Variants in AGBL1 observed in about 807,000 individuals in gnomAD.
AGBL1 encodes cytosolic carboxypeptidase 4.
AGBL1 carries 130 observed loss-of-function variants against 118.9 expected under a neutral mutation model. The observed-to-expected ratio is 1.09, with a 90% CI of 0.95 to 1.26. The LOEUF is 1.26. Among genes scored for constraint, AGBL1 ranks in the 50% most tolerant of loss-of-function variants. The pLI, the probability that AGBL1 is intolerant of heterozygous loss-of-function variation, is 0.00. For missense variants in AGBL1, 1,584 were observed against 1,298.1 expected (o/e 1.22, Z -3.38); for synonymous variants, 555 against 478.9 (o/e 1.16, Z -2.08).
chr15:86,596,275 G>T (rs2437810), intron 21 of AGBL1, among the ~76,000 whole-genome samples: 89,316 of 151,746 alleles, frequency 0.59, 26,690 homozygotes, highest in East Asian at 0.75. Context: ...AGTCCTCTTC[G>T]CCACCCCCTC....
At chr15:86,462,792 C>T (rs1451109225) in intron 18 of AGBL1, among the ~76,000 whole-genome samples, 1 of 152,258 alleles carries the variant, frequency 6.6e-6, no homozygotes, top group East Asian at 1.9e-4. Context: ...GCATAATATT[C>T]CATGGTGTAT....
At chr15:86,951,777 A>G (rs1216102132) in intron 23 of AGBL1, among the ~76,000 whole-genome samples, 1 of 152,192 alleles carries the variant, frequency 6.6e-6, no homozygotes. Flanking sequence ...ATTGCTTTTC[A>G]TAAGTCTATC....
intron 21 of AGBL1, among the ~76,000 whole-genome samples, chr15:86,603,917 G>A (rs981488813): frequency 4.6e-5 from 7 of 152,060 alleles, no homozygotes; most frequent in Non-Finnish European, 7.3e-5. Flanking sequence ...GACGAAGGAG[G>A]ACAGATTGTC....
intron 21 of AGBL1, among the ~76,000 whole-genome samples, chr15:86,556,006 G>A (rs1285455097): frequency 2.0e-5 from 3 of 152,180 alleles, no homozygotes; most frequent in East Asian, 1.9e-4. Flanking sequence ...CTTGTCATTT[G>A]TTTAAAAGAC....
chr15:86,237,852 C>T (rs891173445), intron 6 of AGBL1, among the ~76,000 whole-genome samples: 2 of 152,198 alleles, frequency 1.3e-5, no homozygotes, highest in Admixed American at 1.3e-4. Context: ...GGGGGTCACA[C>T]ATCCTGATCC....
chr15:86,680,164 CTT>C (rs989401907), intron 22 of AGBL1, among the ~76,000 whole-genome samples: 2 of 152,094 alleles, frequency 1.3e-5, no homozygotes, highest in African/African-American at 4.8e-5. Flanking sequence ...TTTAAATTGT[CTT>C]ATAATCATAT....
intron 22 of AGBL1, among the ~76,000 whole-genome samples, chr15:86,714,898 C>T (rs1045943276): frequency 5.6e-4 from 86 of 152,284 alleles, no homozygotes; most frequent in African/African-American, 2.0e-3. Context: ...GGCATGCAAT[C>T]AGTCTGCACT....
chr15:86,661,372 T>A (rs548819789), intron 21 of AGBL1, among the ~76,000 whole-genome samples: 1 of 152,042 alleles, frequency 6.6e-6, no homozygotes, highest in African/African-American at 2.4e-5. Context: ...ATTCAGACCA[T>A]GCTTTTTTTC....
chr15:86,265,640 C>T (rs1228114767), intron 11 of AGBL1, among the ~76,000 whole-genome samples: 1 of 152,148 alleles, frequency 6.6e-6, no homozygotes, highest in African/African-American at 2.4e-5. Flanking sequence ...CTGACATATC[C>T]AACCCTACCC....
chr15:86,458,907 T>G (rs2082295198), intron 18 of AGBL1, among the ~76,000 whole-genome samples: 1 of 152,180 alleles, frequency 6.6e-6, no homozygotes, highest in East Asian at 1.9e-4. Context: ...GGTCCCACTG[T>G]GCACTGCTCA....
chr15:86,884,685 A>C (rs905472336), intron 22 of AGBL1, among the ~76,000 whole-genome samples: 26 of 152,068 alleles, frequency 1.7e-4, no homozygotes, highest in Non-Finnish European at 3.7e-4. Flanking sequence ...GGTGGTGTGC[A>C]CCTGTAATCC....
At chr15:86,486,411 GA>G (rs2082713695) in intron 18 of AGBL1, among the ~76,000 whole-genome samples, 1 of 152,086 alleles carries the variant, frequency 6.6e-6, no homozygotes, top group Non-Finnish European at 1.5e-5. Flanking sequence ...CAAAAGTAAT[GA>G]TTCCATGCTT....
intron 24 of AGBL1, among the ~76,000 whole-genome samples, chr15:87,012,004 A>G (rs1191100094): frequency 6.6e-6 from 1 of 152,152 alleles, no homozygotes; most frequent in Non-Finnish European, 1.5e-5. Flanking sequence ...AAAAATAGCC[A>G]ATTTAATTTT....
chr15:86,987,889 C>T, intron 23 of AGBL1: 3 of 1,438,546 alleles, frequency 2.1e-6, no homozygotes, highest in Non-Finnish European at 2.8e-6. Flanking sequence ...TTTGTTTTTC[C>T]CACTCAATAA....
chr15:86,632,669 C>T (rs533168477), intron 21 of AGBL1, among the ~76,000 whole-genome samples: 2 of 149,552 alleles, frequency 1.3e-5, no homozygotes, highest in Admixed American at 1.3e-4. Context: ...GCTTCCTTCT[C>T]TGTGAGCTCA....
chr15:86,657,282 G>T (rs1264608401), intron 21 of AGBL1, among the ~76,000 whole-genome samples: 1 of 152,134 alleles, frequency 6.6e-6, no homozygotes. Context: ...CAATCAGTTT[G>T]CCAGCCCCGG....
At position 86,925,143 on chromosome 15, in the gene AGBL1, A is replaced by G. The variant is rs374154959; in HGVS notation, c.3222-62844A>G. The stretch of plus-strand genomic sequence containing the variant: ...AAGAAGAAGAGGAAGAGGAAGAGGA[A>G]GAGGAGGAGGAGGAGGAGGAGGAGG... On this transcript the variant is annotated intron_variant, in intron 23 of 24. Coordinates refer to the AGBL1 transcript ENST00000441037. Among the ~76,000 whole-genome samples, 271 of 80,538 alleles carry G rather than the reference A, an allele frequency of 3.4e-3. 7 individuals are homozygous for G. The highest frequency in any genetic ancestry group is 0.014 in the Middle Eastern group (2 of 138). The allele number at this position is 80,538 out of a possible 152,430, so 52.8% of individuals were successfully genotyped here. A position where few individuals can be genotyped will look rare whatever the true frequency, so the allele number is the denominator to read the frequency against.
intron 9 of AGBL1, among the ~76,000 whole-genome samples, chr15:86,262,077 G>GTTTTTTTTTTTTTTTTTTTTTTTTTT (rs1491268138): frequency 2.9e-4 from 1 of 3,490 alleles, no homozygotes; most frequent in Non-Finnish European, 8.6e-4. Flanking sequence ...TGCATAGCTG[G>GTTTTTTTTTTTTTTTTTTTTTTTTTT]CTTTTTTTTT....
intron 22 of AGBL1, among the ~76,000 whole-genome samples, chr15:86,894,631 G>T (rs935356497): frequency 1.8e-4 from 28 of 152,132 alleles, no homozygotes; most frequent in Non-Finnish European, 2.9e-5. Context: ...GAGGTGATTT[G>T]GTATCTATTA....
Sources: allele counts gnomAD v4.1 joint callset (sites outside exome capture counted in the v4.1 genomes callset), GRCh38; gene constraint gnomAD v4.1.1; transcripts MANE v1.5; gene names NCBI Gene and HGNC (gene_info 2026-07-23, HGNC 2026-07-21).